The following MECOM variants were observed in gnomAD, a reference collection of about 807,000 sequenced individuals.
MECOM encodes histone-lysine N-methyltransferase MECOM.
In MECOM, 13 loss-of-function variants were observed where a neutral mutation model predicts 116.3. The ratio of observed to expected loss-of-function variants is 0.11; its 90% CI spans 0.07 to 0.18. MECOM has a LOEUF of 0.18. MECOM is among the 10% of genes least tolerant of loss of function. MECOM has a pLI of 1.00. For synonymous variants in MECOM, 528 were observed against 535.2 expected, an observed-to-expected ratio of 0.99 and a Z score of 0.19; for missense variants, 1,299 against 1,509.0, an observed-to-expected ratio of 0.86 and a Z score of 2.31.
intron 2 of MECOM, among the ~76,000 whole-genome samples, chr3:169,182,781 C>T (rs1292584190): frequency 6.6e-6 from 1 of 152,066 alleles, no homozygotes; most frequent in Admixed American, 6.5e-5. Flanking sequence ...AGATGATCTT[C>T]AGATATATTG....
chr3:169,220,497 T>C (rs1751986551), intron 2 of MECOM, among the ~76,000 whole-genome samples: 1 of 151,994 alleles, frequency 6.6e-6, no homozygotes, highest in African/African-American at 2.4e-5. Flanking sequence ...TTTTTTGAGA[T>C]GGAGTCTCCC....
chr3:169,235,081 C>T (rs183657062), intron 2 of MECOM, among the ~76,000 whole-genome samples: 5 of 152,274 alleles, frequency 3.3e-5, no homozygotes, highest in African/African-American at 4.8e-5. Context: ...TTTTGGACAA[C>T]GACAGTGCTT....
At chr3:169,426,487 A>G (rs1305161678) in intron 1 of MECOM, among the ~76,000 whole-genome samples, 1 of 152,176 alleles carries the variant, frequency 6.6e-6, no homozygotes, top group Non-Finnish European at 1.5e-5. Flanking sequence ...CTGTGCTCAT[A>G]GGAGACACCT....
intron 16 of MECOM, chr3:169,086,611 G>T: frequency 1.4e-6 from 1 of 699,522 alleles, no homozygotes; most frequent in South Asian, 1.5e-5. Context: ...TCCAAGAGTT[G>T]TGGAGGAATC....
At chr3:169,451,179 T>G (rs1013220825) in intron 1 of MECOM, among the ~76,000 whole-genome samples, 2 of 152,136 alleles carry the variant, frequency 1.3e-5, no homozygotes, top group African/African-American at 4.8e-5. Flanking sequence ...GTGTGAGATT[T>G]TCATGCCCTA....
chr3:169,487,462 G>T (rs964884417), intron 1 of MECOM, among the ~76,000 whole-genome samples: 2 of 152,070 alleles, frequency 1.3e-5, no homozygotes, highest in African/African-American at 2.4e-5. Context: ...TACTTAATGT[G>T]AGGCTTGTTA....
intron 1 of MECOM, among the ~76,000 whole-genome samples, chr3:169,496,433 T>C (rs1006613456): frequency 6.6e-6 from 1 of 152,218 alleles, no homozygotes; most frequent in East Asian, 1.9e-4. Context: ...TCATTTTTTT[T>C]AAGAATCACC....
intron 2 of MECOM, among the ~76,000 whole-genome samples, chr3:169,194,320 G>T (rs944593373): frequency 1.3e-5 from 2 of 151,990 alleles, no homozygotes; most frequent in Non-Finnish European, 2.9e-5. Flanking sequence ...GTTGTGGGGT[G>T]GGGGGAGTAG....
At chr3:169,156,558 G>A (rs189393048) in intron 2 of MECOM, among the ~76,000 whole-genome samples, 4 of 152,226 alleles carry the variant, frequency 2.6e-5, no homozygotes, top group African/African-American at 9.6e-5. Context: ...AGATCACAAA[G>A]AAAGTAGGTT....
intron 1 of MECOM, among the ~76,000 whole-genome samples, chr3:169,646,878 C>T (rs1774260505): frequency 6.6e-6 from 1 of 152,044 alleles, no homozygotes; most frequent in Non-Finnish European, 1.5e-5. Flanking sequence ...TCTCCCTAAA[C>T]AAAACTAAAA....
At chr3:169,329,802 C>T (rs1296600717) in intron 2 of MECOM, among the ~76,000 whole-genome samples, 3 of 152,154 alleles carry the variant, frequency 2.0e-5, no homozygotes, top group Non-Finnish European at 2.9e-5. Flanking sequence ...ATCCCATGAG[C>T]ATTTTAAATT....
intron 2 of MECOM, among the ~76,000 whole-genome samples, chr3:169,306,692 C>G (rs924345194): frequency 6.6e-6 from 1 of 152,154 alleles, no homozygotes; most frequent in African/African-American, 2.4e-5. Context: ...AGAACAAGAG[C>G]CCCCTGGATT....
intron 2 of MECOM, chr3:169,146,336 G>T (rs1008918656): frequency 1.9e-5 from 25 of 1,309,846 alleles, no homozygotes; most frequent in Admixed American, 2.5e-5. Context: ...CTCCAAAGTC[G>T]CGTGGCCAGT....
At chr3:169,467,806 G>C (rs1022356363) in intron 1 of MECOM, among the ~76,000 whole-genome samples, 4 of 152,098 alleles carry the variant, frequency 2.6e-5, no homozygotes, top group African/African-American at 9.7e-5. Context: ...AACAAGACCT[G>C]GGAAAACTTG....
chr3:169,313,494 G>T (rs944430831), intron 2 of MECOM, among the ~76,000 whole-genome samples: 1 of 152,204 alleles, frequency 6.6e-6, no homozygotes, highest in African/African-American at 2.4e-5. Context: ...TCTGCAGGAG[G>T]TGAGAGAGAA....
intron 1 of MECOM, among the ~76,000 whole-genome samples, chr3:169,440,642 C>G (rs1008863356): frequency 1.3e-5 from 2 of 152,120 alleles, no homozygotes; most frequent in Non-Finnish European, 2.9e-5. Context: ...TATTTTATGT[C>G]AAGTTACAAT....
intron 1 of MECOM, among the ~76,000 whole-genome samples, chr3:169,647,745 C>T (rs1279575294): frequency 6.6e-6 from 1 of 152,080 alleles, no homozygotes; most frequent in Non-Finnish European, 1.5e-5. Context: ...CTGATAAAAG[C>T]TTATACATAT....
chr3:169,263,643 C>T (rs76802864), intron 2 of MECOM, among the ~76,000 whole-genome samples: 2,513 of 151,930 alleles, frequency 0.017, 69 homozygotes, highest in African/African-American at 0.058. Flanking sequence ...TTAGTGAATA[C>T]TGAATAAAAT....
intron 1 of MECOM, among the ~76,000 whole-genome samples, chr3:169,437,650 G>A (rs534354005): frequency 2.1e-4 from 32 of 152,208 alleles, no homozygotes; most frequent in African/African-American, 7.2e-4. Flanking sequence ...CAGCAAATAG[G>A]GGTAAAGCTA....
Sources: allele counts gnomAD v4.1 joint callset (sites outside exome capture counted in the v4.1 genomes callset), GRCh38; gene constraint gnomAD v4.1.1; transcripts MANE v1.5; gene names NCBI Gene and HGNC (gene_info 2026-07-23, HGNC 2026-07-21).